Variants in HMCN1 observed in about 807,000 individuals in gnomAD.
The protein encoded by HMCN1 is hemicentin-1.
In HMCN1, 321 loss-of-function variants were observed where a neutral mutation model predicts 625.9. The ratio of observed to expected loss-of-function variants is 0.51; its 90% CI spans 0.47 to 0.56. HMCN1 has a LOEUF of 0.56. HMCN1 is among the 20% of genes least tolerant of loss of function. The pLI is 0.00. For synonymous variants in HMCN1, 2,425 were observed against 2,417.6 expected (o/e 1.00, Z -0.09); for missense variants, 6,588 against 6,887.3 (o/e 0.96, Z 1.54).
rs1009036450 is a variant in HMCN1 at position 185,954,520 on chromosome 1, C to T, written c.1829-7998C>T. On this transcript the variant is annotated intron_variant, in intron 11 of 106. Coordinates refer to ENST00000271588, the MANE Select transcript of HMCN1 (RefSeq NM_031935.3). ...ATAGGCAGCTGTGAGATGCTTTTTT[C>T]CAAAAGGTAAGGCCTTTTTAAACAA... 1.4e-4 allele frequency among the ~76,000 whole-genome samples: 22 copies of T among 151,934 alleles called. 1 individual carries two copies. The highest frequency in any genetic ancestry group is 3.3e-4 in the Admixed American group (5 of 15,254).
chr1:186,182,352 G>GT (rs542413185), intron 105 of HMCN1, 65 bp downstream of exon 105: 52 of 1,591,192 alleles, frequency 3.3e-5, no homozygotes, highest in South Asian at 1.0e-4. Flanking sequence ...AGTGTGAGAA[G>GT]TTTTTTTTCA....
intron 30 of HMCN1, among the ~76,000 whole-genome samples, chr1:186,013,743 G>T (rs191408107): frequency 1.3e-5 from 2 of 152,004 alleles, no homozygotes; most frequent in Non-Finnish European, 2.9e-5. Flanking sequence ...ATATTGAAGC[G>T]ACTTAAGAGC....
intron 9 of HMCN1, 95 bp downstream of exon 9, chr1:185,925,286 C>A (rs1245500754): frequency 1.1e-5 from 13 of 1,220,186 alleles, no homozygotes; most frequent in Non-Finnish European, 1.3e-5. Context: ...TGAAAATTCT[C>A]ACTTGCTACA....
In HMCN1 at chr1:186,070,798, G is replaced by T. The variant is rs756009575; in HGVS notation, c.8139+41G>T. 3 of 1,589,656 alleles carry T rather than the reference G, an allele frequency of 1.9e-6. No homozygotes were observed. In the South Asian group the frequency reaches 3.3e-5, roughly 18 times the overall value. ...TTTCATTTGCTGATGATTTCTTAAA[G>T]ACTAAAATGGTCAATTGAAAAGAAA... On this transcript the variant is annotated intron_variant, in intron 52 of 106. Coordinates refer to ENST00000271588, the MANE Select transcript of HMCN1 (RefSeq NM_031935.3).
In HMCN1 at chr1:186,041,053, A is replaced by G. The variant is rs771837715; in HGVS notation, c.6221A>G (p.Gln2074Arg). The G allele has an allele frequency of 1.9e-6, 3 of 1,613,164 alleles. No homozygotes were observed. ...GGRILALTSA[Q>R]ISDTGRYTCV... is the part of the protein sequence containing the mutation. ...CGAATCCTAGCATTGACCAGTGCAC[A>G]AATCAGCGACACAGGAAGGTACACC... is the stretch of plus-strand genomic sequence containing the variant. The change falls in exon 40 of 107, where the codon CAA becomes CGA. Residue 2074 changes from glutamine (Q) to arginine (R), a missense_variant. By Grantham distance (43) the Gln-to-Arg change is conservative. This residue lies in a region of HMCN1 where 4,628 missense variants were observed against 4,853.1 expected (regional missense o/e 0.95). Transcript: ENST00000271588.
chr1:185,816,716 A>C (rs1236423286), intron 1 of HMCN1, among the ~76,000 whole-genome samples: 2 of 152,198 alleles, frequency 1.3e-5, no homozygotes, highest in Non-Finnish European at 2.9e-5. Flanking sequence ...ATCTTGTTTT[A>C]GGATTTTATG....
chr1:186,004,027 A>G (rs1653378349), intron 29 of HMCN1, among the ~76,000 whole-genome samples, 183 bp downstream of exon 29: 1 of 152,198 alleles, frequency 6.6e-6, no homozygotes. Context: ...ATTCTTTTGA[A>G]TTCAAAGCTC....
chr1:186,115,136 G>C, intron 74 of HMCN1, 122 bp from the exon 75 acceptor site: 1 of 1,419,800 alleles, frequency 7.0e-7, no homozygotes, highest in Non-Finnish European at 9.9e-7. Context: ...AATTTGCAGA[G>C]TCTTGTTTGC....
chr1:186,159,653 C>A (rs916163158), intron 97 of HMCN1, among the ~76,000 whole-genome samples: 10 of 152,100 alleles, frequency 6.6e-5, no homozygotes, highest in African/African-American at 2.4e-4. Context: ...TTGTCAAAGG[C>A]CTTTTCTGCA....
intron 42 of HMCN1, among the ~76,000 whole-genome samples, chr1:186,051,957 T>C (rs1656980034): frequency 6.6e-6 from 1 of 152,020 alleles, no homozygotes; most frequent in African/African-American, 2.4e-5. Flanking sequence ...AGGCCTATGG[T>C]ATGGCTTCTG....
chr1:186,085,605 A>C (rs770038346), intron 57 of HMCN1, among the ~76,000 whole-genome samples: 14 of 152,086 alleles, frequency 9.2e-5, no homozygotes, highest in Admixed American at 2.0e-4. Flanking sequence ...GCCCCCTCTC[A>C]CTTTCTCTCA....
At chr1:185,777,455 T>C (rs1029920944) in intron 1 of HMCN1, among the ~76,000 whole-genome samples, 3 of 151,910 alleles carry the variant, frequency 2.0e-5, no homozygotes, top group African/African-American at 7.3e-5. Flanking sequence ...GCTTTCTTTT[T>C]CTTTTTTTTT....
intron 97 of HMCN1, among the ~76,000 whole-genome samples, chr1:186,155,299 G>A (rs905776787): frequency 6.6e-6 from 1 of 152,042 alleles, no homozygotes; most frequent in African/African-American, 2.4e-5. Context: ...CATAGCCAGT[G>A]ACACCCATAG....
intron 83 of HMCN1, 54 bp downstream of exon 83, chr1:186,128,345 A>G: frequency 2.1e-6 from 3 of 1,397,660 alleles, no homozygotes; most frequent in Non-Finnish European, 3.0e-6. Context: ...AGAACTCTAG[A>G]CGAAGCTCTG....
intron 1 of HMCN1, among the ~76,000 whole-genome samples, chr1:185,735,899 C>T (rs1370287515): frequency 6.6e-6 from 1 of 152,188 alleles, no homozygotes; most frequent in African/African-American, 2.4e-5. Context: ...TAATGTCCAC[C>T]TGAGTTTCAT....
At chr1:186,107,005 A>G in intron 70 of HMCN1, 40 bp downstream of exon 70, 1 of 1,202,854 alleles carries the variant, frequency 8.3e-7, no homozygotes, top group Non-Finnish European at 1.2e-6. Flanking sequence ...TCATACACAC[A>G]CCTAATTAGA....
In HMCN1 at chr1:185,734,673, A is replaced by T. The variant is rs531415599; in HGVS notation, c.-107A>T. On this transcript the variant is annotated 5_prime_UTR_variant, in exon 1 of 107. Coordinates refer to ENST00000271588, the MANE Select transcript of HMCN1 (RefSeq NM_031935.3). ...AACTTTTTGCTAGTTCAGAGATTCCAAGAGTCTGATGAGTTACTCTGAGAG... is the reference window on the plus strand; with the variant it reads ...AACTTTTTGCTAGTTCAGAGATTCCTAGAGTCTGATGAGTTACTCTGAGAG... The T allele has an allele frequency of 8.0e-6, 9 of 1,126,808 alleles. No individual in the cohort carries two copies. In the East Asian group the frequency reaches 2.1e-4, roughly 26 times the overall value. 69.8% of individuals were successfully genotyped at this position (1,126,808 alleles called of 1,614,324 possible). A position where few individuals can be genotyped will look rare whatever the true frequency, so the allele number is the denominator to read the frequency against.
intron 1 of HMCN1, among the ~76,000 whole-genome samples, chr1:185,768,772 C>A (rs1241456781): frequency 2.0e-5 from 3 of 151,768 alleles, no homozygotes; most frequent in African/African-American, 7.3e-5. Context: ...ATAGTAGGAC[C>A]CCATCTCTAT....
chr1:185,895,107 T>TG (rs1376325394), intron 4 of HMCN1, among the ~76,000 whole-genome samples: 28 of 95,974 alleles, frequency 2.9e-4, no homozygotes, highest in Admixed American at 2.1e-3. Context: ...TGTTATTTTT[T>TG]GTTACACATA....
Sources: gnomAD v4.1 joint callset for allele counts (sites outside exome capture counted in the v4.1 genomes callset) on GRCh38, gnomAD v4.1.1 for gene constraint, gnomAD v4.1.1 regional missense constraint, MANE v1.5 for transcripts, NCBI Gene and HGNC (gene_info 2026-07-23, HGNC 2026-07-21) for gene names.